Variants in RRAGD observed in about 807,000 individuals in gnomAD.
RRAGD encodes Ras related GTP binding D, also known as ras-related GTP-binding protein D.
A neutral mutation model predicts 35.5 loss-of-function variants in RRAGD; 12 were observed. The ratio of observed to expected loss-of-function variants is 0.34; its 90% CI spans 0.22 to 0.55. The LOEUF (loss-of-function observed/expected upper bound fraction) is 0.55, where lower values mean the gene tolerates loss of function less well. Ranked by LOEUF, RRAGD falls within the 20% of genes least tolerant of loss-of-function variation. The pLI, the probability that RRAGD is intolerant of heterozygous loss-of-function variation, is 0.91. For synonymous variants in RRAGD, 155 were observed against 178.9 expected (o/e 0.87, Z 1.07); for missense variants, 324 against 490.1 (o/e 0.66, Z 3.20).
intron 1 of RRAGD, among the ~76,000 whole-genome samples, chr6:89,409,047 A>G (rs1406505486): frequency 2.6e-5 from 4 of 152,170 alleles, no homozygotes; most frequent in Non-Finnish European, 5.9e-5. Flanking sequence ...CTATTCATGA[A>G]TAAAATATGG....
chr6:89,400,255 A>G (rs1189768853), intron 1 of RRAGD, among the ~76,000 whole-genome samples: 1 of 152,168 alleles, frequency 6.6e-6, no homozygotes, highest in Non-Finnish European at 1.5e-5. Flanking sequence ...CAATAAAGAG[A>G]TTTAAAAACA....
chr6:89,385,818 T>G (rs944105445), intron 2 of RRAGD, among the ~76,000 whole-genome samples: 1 of 152,162 alleles, frequency 6.6e-6, no homozygotes, highest in Non-Finnish European at 1.5e-5. Context: ...TGCAGCCACT[T>G]GGAACTGAGA....
intron 2 of RRAGD, among the ~76,000 whole-genome samples, chr6:89,385,427 A>C (rs1240100861): frequency 1.3e-5 from 2 of 152,150 alleles, no homozygotes; most frequent in Non-Finnish European, 2.9e-5. Flanking sequence ...GAAGAGAGAG[A>C]TGAGCATGAC....
At chr6:89,398,879 C>T (rs535376033) in intron 1 of RRAGD, among the ~76,000 whole-genome samples, 2 of 152,272 alleles carry the variant, frequency 1.3e-5, no homozygotes, top group East Asian at 3.9e-4. Flanking sequence ...AAATACTATA[C>T]TCTAATTTGC....
Position 89,411,621 on chromosome 6 carries a change from C to T in RRAGD, c.148+225G>A. On this transcript the variant is annotated intron_variant, in intron 1 of 6. Transcript: ENST00000369415. This position sits in a 1 kb window ranked among gnomAD's most constrained non-coding sequence, Gnocchi z 5.6. ...CCCAGACGCTTACTCCCTCCTTCCC[C>T]TTTTCCACCGATCCTGGTTGCCCCT... is the stretch of plus-strand genomic sequence containing the variant. 3 of 569,440 alleles carry T rather than the reference C, an allele frequency of 5.3e-6. No individual in the cohort carries two copies. Among genetic ancestry groups the T allele is most frequent in the Admixed American group, 3.2e-5 (1 of 31,268 alleles). 35.3% of individuals were successfully genotyped at this position (569,440 alleles called of 1,614,324 possible). A position where few individuals can be genotyped will look rare whatever the true frequency, so the allele number is the denominator to read the frequency against.
intron 2 of RRAGD, among the ~76,000 whole-genome samples, chr6:89,386,663 G>A (rs1412161679): frequency 6.6e-6 from 1 of 152,174 alleles, no homozygotes; most frequent in Non-Finnish European, 1.5e-5. Flanking sequence ...ACTTACTTAT[G>A]TGAATAAAGT....
At position 89,365,985 on chromosome 6, in the gene RRAGD, C is replaced by T. The variant is rs1206391690; in HGVS notation, c.*2071G>A. On this transcript the variant is annotated 3_prime_UTR_variant, in exon 7 of 7. Coordinates refer to ENST00000369415, the MANE Select transcript of RRAGD (RefSeq NM_021244.5). ...GTCAGGTCTGTTGGCAAAGGTCCAACAGGATATAGCTCTGGAAATCAGGGA... is the reference window on the plus strand; with the variant it reads ...GTCAGGTCTGTTGGCAAAGGTCCAATAGGATATAGCTCTGGAAATCAGGGA... The T allele has an allele frequency of 6.6e-6, 1 of 152,114 alleles. No homozygotes were observed. Among genetic ancestry groups the T allele is most frequent in the Non-Finnish European group, 1.5e-5 (1 of 68,042 alleles). 9.4% of individuals were successfully genotyped at this position (152,114 alleles called of 1,614,324 possible).
rs1220590889 is a variant in RRAGD at position 89,366,242 on chromosome 6, T to A, written c.*1814A>T. On this transcript the variant is annotated 3_prime_UTR_variant, in exon 7 of 7. Coordinates refer to ENST00000369415, the MANE Select transcript of RRAGD (RefSeq NM_021244.5). ...GAAGCCACAGAGAGAAGTGGGAAAGTTTAGGCTGGGCACAGTAGCTCAGGC... is the reference window on the plus strand; with the variant it reads ...GAAGCCACAGAGAGAAGTGGGAAAGATTAGGCTGGGCACAGTAGCTCAGGC... 6.6e-6 allele frequency: 1 copy of A among 151,852 alleles called. No homozygotes were observed. Among genetic ancestry groups the A allele is most frequent in the African/African-American group, 2.4e-5 (1 of 41,248 alleles). 9.4% of individuals were successfully genotyped at this position (151,852 alleles called of 1,614,324 possible).
chr6:89,400,579 G>A (rs1769440107), intron 1 of RRAGD, among the ~76,000 whole-genome samples: 1 of 149,434 alleles, frequency 6.7e-6, no homozygotes, highest in African/African-American at 2.5e-5. Context: ...AGGATCCAGG[G>A]TTCAAGGACA....
chr6:89,410,894 G>T (rs574323272), intron 1 of RRAGD, among the ~76,000 whole-genome samples: 1 of 152,088 alleles, frequency 6.6e-6, no homozygotes, highest in Non-Finnish European at 1.5e-5. Context: ...CCTTCTCTTG[G>T]ATGCATACAG....
At chr6:89,392,836 T>C (rs529482055) in intron 1 of RRAGD, among the ~76,000 whole-genome samples, 1 of 152,344 alleles carries the variant, frequency 6.6e-6, no homozygotes, top group African/African-American at 2.4e-5. Context: ...GCATAGATAT[T>C]ACTCCACTAT....
At chr6:89,368,842 A>C (rs1768803476) in intron 6 of RRAGD, among the ~76,000 whole-genome samples, 2 of 152,202 alleles carry the variant, frequency 1.3e-5, no homozygotes. Flanking sequence ...TCAGAAATGT[A>C]TCAGTGACAC....
rs1210640016 is a variant in RRAGD, at chr6:89,366,462, G to T, written c.*1594C>A. On this transcript the variant is annotated 3_prime_UTR_variant, in exon 7 of 7. Transcript: ENST00000369415. ...TGGAAGGATCCCTTGAGCCCAAGAGGTAACAGTGAGCTATGATTGTACCAA... is the reference window on the plus strand; with the variant it reads ...TGGAAGGATCCCTTGAGCCCAAGAGTTAACAGTGAGCTATGATTGTACCAA... The T allele has an allele frequency of 1.3e-5, 2 of 151,160 alleles. No homozygotes were observed. Among genetic ancestry groups the T allele is most frequent in the Non-Finnish European group, 1.5e-5 (1 of 67,926 alleles). 9.4% of individuals were successfully genotyped at this position (151,160 alleles called of 1,614,324 possible).
At chr6:89,403,621 CT>C (rs1282695769) in intron 1 of RRAGD, among the ~76,000 whole-genome samples, 1 of 125,408 alleles carries the variant, frequency 8.0e-6, no homozygotes, top group Non-Finnish European at 1.6e-5. Flanking sequence ...GATTGGTTTT[CT>C]TTTTCTTTTT....
chr6:89,404,972 TATTATA>T (rs1769549086), intron 1 of RRAGD, among the ~76,000 whole-genome samples: 1 of 152,122 alleles, frequency 6.6e-6, no homozygotes, highest in Non-Finnish European at 1.5e-5. Context: ...TATTGAGAAG[TATTATA>T]ATTAAGGAGA....
chr6:89,408,232 G>C (rs1396142481), intron 1 of RRAGD, among the ~76,000 whole-genome samples: 1 of 152,090 alleles, frequency 6.6e-6, no homozygotes, highest in Non-Finnish European at 1.5e-5. Context: ...CTCATTTCTA[G>C]CTCATGATAG....
chr6:89,397,393 A>G (rs2127894948), intron 1 of RRAGD, among the ~76,000 whole-genome samples: 1 of 152,304 alleles, frequency 6.6e-6, no homozygotes, highest in African/African-American at 2.4e-5. Context: ...TTTTTACCTA[A>G]GAGAAATGAA....
intron 2 of RRAGD, among the ~76,000 whole-genome samples, chr6:89,382,658 G>A (rs1030294582): frequency 2.3e-4 from 35 of 151,864 alleles, no homozygotes; most frequent in Admixed American, 9.8e-4. Context: ...GGCAGATCAC[G>A]AGGTCAGGAG....
chr6:89,371,552 G>T (rs1768855333), intron 6 of RRAGD, among the ~76,000 whole-genome samples: 1 of 152,156 alleles, frequency 6.6e-6, no homozygotes, highest in South Asian at 2.1e-4. Flanking sequence ...GCTCTAGATG[G>T]TGAAATACCT....
Sources: allele counts gnomAD v4.1 joint callset (sites outside exome capture counted in the v4.1 genomes callset), GRCh38; gene constraint gnomAD v4.1.1; non-coding constraint Gnocchi (gnomAD v3.1); transcripts MANE v1.5; gene names NCBI Gene and HGNC (gene_info 2026-07-23, HGNC 2026-07-21).